ARHGAP15: variants seen among roughly 807,000 people sequenced by gnomAD.
ARHGAP15 encodes rho GTPase-activating protein 15.
ARHGAP15 carries 51 observed loss-of-function variants against 63.7 expected under a neutral mutation model. The observed-to-expected ratio is 0.80, with a 90% confidence interval of 0.64 to 1.01. The LOEUF (loss-of-function observed/expected upper bound fraction) is 1.01. ARHGAP15 is among the 50% of genes least tolerant of loss of function. The pLI, the probability that ARHGAP15 is intolerant of heterozygous loss-of-function variation, is 0.00. For synonymous variants in ARHGAP15, 191 were observed against 193.8 expected (o/e 0.99, Z 0.12); for missense variants, 560 against 564.6 (o/e 0.99, Z 0.08).
chr2:143,703,784 C>T (rs955378669), intron 13 of ARHGAP15: 4 of 294,940 alleles, frequency 1.4e-5, no homozygotes, highest in Admixed American at 5.2e-5. Context: ...TCAGAACCAT[C>T]GCCTGGACCC....
At chr2:143,370,615 G>A (rs534331868) in intron 6 of ARHGAP15, among the ~76,000 whole-genome samples, 132 of 152,130 alleles carry the variant, frequency 8.7e-4, no homozygotes, top group Middle Eastern at 3.4e-3. Flanking sequence ...TAATTAGAAG[G>A]CAACATCTTC....
At chr2:143,248,078 G>A (rs1694113177) in intron 5 of ARHGAP15, among the ~76,000 whole-genome samples, 1 of 152,178 alleles carries the variant, frequency 6.6e-6, no homozygotes, top group South Asian at 2.1e-4. Context: ...ATTCTAGTGG[G>A]GGAAACACAG....
At chr2:143,371,211 T>C (rs1441373497) in intron 6 of ARHGAP15, among the ~76,000 whole-genome samples, 1 of 152,238 alleles carries the variant, frequency 6.6e-6, no homozygotes, top group African/African-American at 2.4e-5. Flanking sequence ...TGCAGGTTTG[T>C]TACATAGGTA....
intron 9 of ARHGAP15, among the ~76,000 whole-genome samples, chr2:143,517,871 G>A (rs1028210083): frequency 3.3e-5 from 5 of 152,218 alleles, no homozygotes; most frequent in Admixed American, 6.5e-5. Context: ...TGGCAGCCAT[G>A]AGAAACAGCA....
intron 13 of ARHGAP15, among the ~76,000 whole-genome samples, chr2:143,755,274 T>TA (rs1686532733): frequency 7.4e-6 from 1 of 134,242 alleles, no homozygotes; most frequent in Non-Finnish European, 1.6e-5. Flanking sequence ...CCAGCATATA[T>TA]GGGGGGGGGG....
At chr2:143,166,061 G>GAAA (rs1553442904) in intron 2 of ARHGAP15, among the ~76,000 whole-genome samples, 2 of 140,566 alleles carry the variant, frequency 1.4e-5, no homozygotes, top group African/African-American at 4.9e-5. Flanking sequence ...AAGAAAGAAA[G>GAAA]AAAAAAAATA....
chr2:143,611,380 G>A (rs1698249085), intron 11 of ARHGAP15, among the ~76,000 whole-genome samples: 1 of 152,142 alleles, frequency 6.6e-6, no homozygotes, highest in Non-Finnish European at 1.5e-5. Flanking sequence ...TGTTAGCCTT[G>A]ACACTAACTT....
In ARHGAP15 at chr2:143,533,672, T is replaced by C. The variant is rs866881966; in HGVS notation, c.925+14308T>C. ...GAAAAGGGAGTCTCACTGACACTTC[T>C]AAAAGCATGCTGTGTTTCCAAGCTT... On this transcript the variant is annotated intron_variant, in intron 10 of 13. Coordinates refer to ENST00000295095, the MANE Select transcript of ARHGAP15 (RefSeq NM_018460.4). Among the ~76,000 whole-genome samples, 5 of 152,306 alleles carry C rather than the reference T, an allele frequency of 3.3e-5. 1 individual carries two copies. The South Asian group carries it at 1.0e-3, about 32-fold the overall frequency.
In ARHGAP15 at chr2:143,189,502, C is replaced by CT. The variant is rs771848951; in HGVS notation, c.166-12618dup. Among the ~76,000 whole-genome samples, 811 of 140,208 alleles carry CT rather than the reference C, an allele frequency of 5.8e-3. 2 individuals are homozygous for CT. The highest frequency in any genetic ancestry group is 8.9e-3 in the South Asian group (39 of 4,390). 92.0% of individuals were successfully genotyped at this position (140,208 alleles called of 152,430 possible). A position where few individuals can be genotyped will look rare whatever the true frequency, so the allele number is the denominator to read the frequency against. ...TTATTCTCTGATCTTTTCTTTCTTTCTTTTTTTTTTTTTTGGGAGACAGTC... is the reference window on the plus strand; with the variant it reads ...TTATTCTCTGATCTTTTCTTTCTTTCTTTTTTTTTTTTTTTGGGAGACAGTC... On this transcript the variant is annotated intron_variant, in intron 2 of 13. Transcript: ENST00000295095.
rs1297381795 is a variant in ARHGAP15, at chr2:143,256,965, C to T, written c.474+6365C>T. 2.0e-5 allele frequency among the ~76,000 whole-genome samples: 3 copies of T among 152,126 alleles called. No homozygotes were observed. In the East Asian group the frequency reaches 5.8e-4, roughly 29 times the overall value. ...TACATTCTGCAAATGAAGAACATGC[C>T]TATTGGTTCAGATAATGTGACTTGG... On this transcript the variant is annotated intron_variant, in intron 6 of 13. Coordinates refer to ENST00000295095, the MANE Select transcript of ARHGAP15 (RefSeq NM_018460.4).
intron 13 of ARHGAP15, among the ~76,000 whole-genome samples, chr2:143,705,446 A>C (rs1174553081): frequency 6.6e-6 from 1 of 152,168 alleles, no homozygotes; most frequent in East Asian, 1.9e-4. Flanking sequence ...AATCGGATTA[A>C]ATACTATCAA....
intron 6 of ARHGAP15, among the ~76,000 whole-genome samples, chr2:143,300,190 G>A (rs562988778): frequency 6.6e-6 from 1 of 152,142 alleles, no homozygotes; most frequent in African/African-American, 2.4e-5. Context: ...GACCAGGTCT[G>A]TTGGTACCAG....
At chr2:143,642,902 A>G (rs1328658781) in intron 12 of ARHGAP15, among the ~76,000 whole-genome samples, 3 of 152,090 alleles carry the variant, frequency 2.0e-5, no homozygotes, top group Admixed American at 1.3e-4. Context: ...ATGATTTTGG[A>G]GACAGCAGTA....
intron 6 of ARHGAP15, among the ~76,000 whole-genome samples, chr2:143,253,280 G>GTTTGTTTTCCT (rs1328425203): frequency 7.2e-5 from 11 of 151,780 alleles, no homozygotes; most frequent in Non-Finnish European, 1.2e-4. Context: ...AACTTAAAAT[G>GTTTGTTTTCCT]AATAGGAAAA....
chr2:143,414,309 T>C (rs1163461496), intron 6 of ARHGAP15, among the ~76,000 whole-genome samples: 2 of 151,774 alleles, frequency 1.3e-5, no homozygotes, highest in Admixed American at 6.6e-5. Flanking sequence ...AGTAGTAACA[T>C]TGAAAATATT....
chr2:143,624,050 T>C (rs562667209), intron 11 of ARHGAP15, 83 bp from the exon 12 acceptor site: 1 of 1,518,796 alleles, frequency 6.6e-7, no homozygotes, highest in East Asian at 2.3e-5. Context: ...CTGATGATAG[T>C]AGGCAAACAT....
intron 11 of ARHGAP15, among the ~76,000 whole-genome samples, chr2:143,588,786 A>T (rs1394772637): frequency 1.3e-5 from 2 of 152,206 alleles, no homozygotes; most frequent in African/African-American, 4.8e-5. Flanking sequence ...TACTGTGTTA[A>T]GCAATAAATG....
chr2:143,519,899 G>C (rs1693987828), intron 10 of ARHGAP15, among the ~76,000 whole-genome samples: 1 of 152,062 alleles, frequency 6.6e-6, no homozygotes, highest in African/African-American at 2.4e-5. Flanking sequence ...TCAGCATTCT[G>C]TTTTTCTTCT....
In ARHGAP15 at chr2:143,556,741, GA is replaced by G. The variant is rs370573936; in HGVS notation, c.1003+259del. 9.2e-5 allele frequency among the ~76,000 whole-genome samples: 14 copies of G among 151,776 alleles called. 1 individual carries two copies. Among genetic ancestry groups the G allele is most frequent in the African/African-American group, 3.4e-4 (14 of 41,440 alleles). ...GGAACATGTCAAAATAAAAATGGGG[GA>G]AAGAATAGAAAAAGAGTAAAAGAAA... On this transcript the variant is annotated intron_variant, in intron 11 of 13. Coordinates refer to ENST00000295095, the MANE Select transcript of ARHGAP15 (RefSeq NM_018460.4).
Sources: allele counts gnomAD v4.1 joint callset (sites outside exome capture counted in the v4.1 genomes callset), GRCh38; gene constraint gnomAD v4.1.1; transcripts MANE v1.5; gene names NCBI Gene and HGNC (gene_info 2026-07-23, HGNC 2026-07-21).